The following FGGY variants were observed in gnomAD, a reference collection of about 807,000 sequenced individuals.
FGGY encodes FGGY carbohydrate kinase domain-containing protein.
FGGY carries 72 observed loss-of-function variants against 71.3 expected under a neutral mutation model. The observed-to-expected ratio is 1.01, with a 90% CI of 0.84 to 1.23. The LOEUF (loss-of-function observed/expected upper bound fraction) is 1.23. Ranked by LOEUF, FGGY falls within the 50% of genes most tolerant of loss-of-function variation. FGGY has a pLI of 0.00. For missense variants in FGGY, 668 were observed against 682.3 expected, an observed-to-expected ratio of 0.98 and a Z score of 0.23; for synonymous variants, 251 against 250.3, an observed-to-expected ratio of 1.00 and a Z score of -0.02.
intron 7 of FGGY, among the ~76,000 whole-genome samples, chr1:59,541,252 A>G (rs1349004181): frequency 6.6e-6 from 1 of 152,168 alleles, no homozygotes; most frequent in Admixed American, 6.5e-5. Flanking sequence ...TGGGCCACAC[A>G]GCCCCATAGA....
chr1:59,374,036 A>G (rs1312188493), intron 4 of FGGY, among the ~76,000 whole-genome samples: 1 of 152,242 alleles, frequency 6.6e-6, no homozygotes, highest in Non-Finnish European at 1.5e-5. Flanking sequence ...TGGCAACAAA[A>G]GCCAGAATTG....
chr1:59,372,038 A>G (rs890781509), intron 4 of FGGY, among the ~76,000 whole-genome samples: 2 of 152,186 alleles, frequency 1.3e-5, no homozygotes, highest in Non-Finnish European at 2.9e-5. Context: ...AGCTAGCAGA[A>G]GGCGAGAAAT....
intron 6 of FGGY, among the ~76,000 whole-genome samples, chr1:59,466,993 C>A (rs1357488584): frequency 4.6e-5 from 7 of 152,174 alleles, no homozygotes; most frequent in African/African-American, 1.4e-4. Context: ...CCAGCGATTC[C>A]ATTACTGGGT....
intron 7 of FGGY, among the ~76,000 whole-genome samples, chr1:59,544,229 C>G (rs1295613183): frequency 6.6e-6 from 1 of 152,066 alleles, no homozygotes; most frequent in Non-Finnish European, 1.5e-5. Context: ...GAAATGTAGA[C>G]CCAGAGGAAC....
intron 14 of FGGY, among the ~76,000 whole-genome samples, chr1:59,744,748 T>C (rs2098180991): frequency 6.6e-6 from 1 of 152,236 alleles, no homozygotes; most frequent in African/African-American, 2.4e-5. Context: ...ATTCATTTAA[T>C]TCTTTCAACA....
intron 14 of FGGY, chr1:59,698,661 T>G (rs2154014016): frequency 1.4e-6 from 1 of 734,058 alleles, no homozygotes; most frequent in Admixed American, 6.3e-5. Flanking sequence ...CTGACCCACC[T>G]CTCCCCTTTC....
At chr1:59,737,215 G>A (rs1189995331) in intron 14 of FGGY, among the ~76,000 whole-genome samples, 1 of 152,264 alleles carries the variant, frequency 6.6e-6, no homozygotes, top group African/African-American at 2.4e-5. Context: ...TGCAGGGACA[G>A]GGTCCTCTTG....
At chr1:59,748,875 G>A (rs574466869) in intron 14 of FGGY, among the ~76,000 whole-genome samples, 1 of 152,232 alleles carries the variant, frequency 6.6e-6, no homozygotes, top group South Asian at 2.1e-4. Flanking sequence ...TCAGGATGGG[G>A]GCTGGTCACC....
chr1:59,489,999 C>T (rs2093775826), intron 6 of FGGY, among the ~76,000 whole-genome samples: 1 of 151,924 alleles, frequency 6.6e-6, no homozygotes, highest in Non-Finnish European at 1.5e-5. Flanking sequence ...TTTTTGTTGT[C>T]CATTTATATG....
At chr1:59,529,349 C>A (rs1311363449) in intron 7 of FGGY, among the ~76,000 whole-genome samples, 1 of 152,186 alleles carries the variant, frequency 6.6e-6, no homozygotes, top group Non-Finnish European at 1.5e-5. Flanking sequence ...TTCACATTGA[C>A]TCCAGCAGCT....
At chr1:59,544,824 G>A (rs2095497572) in intron 7 of FGGY, among the ~76,000 whole-genome samples, 1 of 152,192 alleles carries the variant, frequency 6.6e-6, no homozygotes, top group East Asian at 1.9e-4. Flanking sequence ...AACTTCTTCA[G>A]AATGCAGAGT....
chr1:59,392,948 C>G (rs1250822676), intron 5 of FGGY, among the ~76,000 whole-genome samples: 1 of 152,150 alleles, frequency 6.6e-6, no homozygotes, highest in Non-Finnish European at 1.5e-5. Context: ...AATGTCAGCT[C>G]TCATTATTGC....
chr1:59,529,974 A>G (rs2095096071), intron 7 of FGGY, among the ~76,000 whole-genome samples: 1 of 152,218 alleles, frequency 6.6e-6, no homozygotes, highest in Admixed American at 6.5e-5. Flanking sequence ...GTATAAAAGT[A>G]TTTTTCCTTT....
intron 4 of FGGY, among the ~76,000 whole-genome samples, chr1:59,375,352 G>A (rs1004932664): frequency 6.6e-6 from 1 of 151,600 alleles, no homozygotes; most frequent in Non-Finnish European, 1.5e-5. Flanking sequence ...TAAGGGATCA[G>A]GCTTCTGGAG....
chr1:59,720,613 AAGG>A (rs1279220583), intron 14 of FGGY, among the ~76,000 whole-genome samples: 1 of 152,240 alleles, frequency 6.6e-6, no homozygotes, highest in Non-Finnish European at 1.5e-5. Flanking sequence ...TTGTTTCGGA[AAGG>A]AGATGACATG....
chr1:59,686,717 A>G (rs1021551457), intron 14 of FGGY, among the ~76,000 whole-genome samples: 1 of 152,136 alleles, frequency 6.6e-6, no homozygotes, highest in Non-Finnish European at 1.5e-5. Flanking sequence ...CTCTTTTACT[A>G]TTAGCCGTAT....
At chr1:59,738,750 T>C (rs2098124738) in intron 14 of FGGY, among the ~76,000 whole-genome samples, 1 of 152,226 alleles carries the variant, frequency 6.6e-6, no homozygotes, top group Non-Finnish European at 1.5e-5. Context: ...AGCTTTGTAT[T>C]CTTGGCCTTA....
intron 6 of FGGY, among the ~76,000 whole-genome samples, chr1:59,470,888 C>T (rs2092907165): frequency 6.6e-6 from 1 of 152,188 alleles, no homozygotes; most frequent in Admixed American, 6.5e-5. Context: ...TTATTTCTGT[C>T]CTCAGAGCTT....
At chr1:59,536,042 G>C (rs1558260712) in intron 7 of FGGY, among the ~76,000 whole-genome samples, 1 of 151,090 alleles carries the variant, frequency 6.6e-6, no homozygotes, top group Non-Finnish European at 1.5e-5. Context: ...ATGAATCCAG[G>C]AGCTGGTTTT....
Sources: allele counts gnomAD v4.1 joint callset (sites outside exome capture counted in the v4.1 genomes callset), GRCh38; gene constraint gnomAD v4.1.1; transcripts MANE v1.5; gene names NCBI Gene and HGNC (gene_info 2026-07-23, HGNC 2026-07-21).